USP42: variants seen among roughly 807,000 people sequenced by gnomAD.
USP42 encodes the protein ubiquitin specific peptidase 42.
USP42 carries 23 observed loss-of-function variants against 113.0 expected under a neutral mutation model. That is an observed-to-expected ratio of 0.20 (90% CI 0.15 to 0.29). The LOEUF is 0.29. USP42 is among the 10% of genes least tolerant of loss of function. The probability of loss-of-function intolerance (pLI) is 1.00; values close to 1 mark genes in which losing one functional copy is unlikely to be tolerated. For synonymous variants in USP42, 933 were observed against 699.0 expected (o/e 1.33, Z -5.28); for missense variants, 2,174 against 1,779.8 (o/e 1.22, Z -3.99).
chr7:6,140,299 C>A, intron 6 of USP42, 104 bp downstream of exon 6: 2 of 1,014,136 alleles, frequency 2.0e-6, no homozygotes, highest in Non-Finnish European at 3.0e-6. Flanking sequence ...AAAAGTGCTT[C>A]TCTCCAGCCC....
intron 4 of USP42, among the ~76,000 whole-genome samples, chr7:6,137,754 A>G (rs1483897716): frequency 6.6e-6 from 1 of 152,124 alleles, no homozygotes; most frequent in Non-Finnish European, 1.5e-5. Context: ...GTCTTGGCTC[A>G]CTGCAACCTC....
At chr7:6,125,458 C>G (rs1780485330) in intron 3 of USP42, among the ~76,000 whole-genome samples, 1 of 152,162 alleles carries the variant, frequency 6.6e-6, no homozygotes, top group Non-Finnish European at 1.5e-5. Context: ...CCACTGCACT[C>G]CAGCCTAGGC....
rs571798592 is a variant in USP42, at chr7:6,123,438, C to G, written c.442+7915C>G. Among the ~76,000 whole-genome samples, 3 of 152,246 alleles carry G rather than the reference C, an allele frequency of 2.0e-5. No individual in the cohort carries two copies. In the East Asian group the frequency reaches 5.8e-4, roughly 30 times the overall value. ...CAGCACTTTGGGAGGCCAAGGCGAG[C>G]AGATCACGAGCTCAGGAGATCGAGA... On this transcript the variant is annotated intron_variant, in intron 3 of 17. Coordinates refer to ENST00000306177, the MANE Select transcript of USP42 (RefSeq NM_032172.3).
intron 1 of USP42, among the ~76,000 whole-genome samples, chr7:6,108,848 T>C (rs1034827642): frequency 7.9e-5 from 12 of 152,246 alleles, no homozygotes; most frequent in Non-Finnish European, 2.9e-5. Flanking sequence ...AATGATATAC[T>C]GTATGTTAAT....
At chr7:6,106,729 T>G (rs2128473177) in intron 1 of USP42, among the ~76,000 whole-genome samples, 1 of 148,174 alleles carries the variant, frequency 6.7e-6, no homozygotes, top group African/African-American at 2.6e-5. Flanking sequence ...CACACCCAGC[T>G]AATTTTTTTT....
chr7:6,150,288 G>A lies in USP42; in HGVS notation c.2092G>A (p.Gly698Ser), dbSNP rs201342208. 2.4e-3 allele frequency: 3,844 copies of A among 1,612,984 alleles called. 7 individuals carry two copies. Among genetic ancestry groups the A allele is most frequent in the Non-Finnish European group, 2.9e-3 (3,451 of 1,179,556 alleles). Reference sequence around the variant, plus strand: ...AGAAAATCCCTTTGCTAAGGCAAACGGTCTTCCTGGAAAGGTGAGTGCACG... The same window carrying A: ...AGAAAATCCCTTTGCTAAGGCAAACAGTCTTCCTGGAAAGGTGAGTGCACG... ...HSENPFAKANGLPGKLMPAPL... is the reference protein window; with the variant it reads ...HSENPFAKANSLPGKLMPAPL... The change falls in exon 13 of 18, where the codon GGT becomes AGT. Residue 698 changes from glycine (G) to serine (S), a missense_variant. Transcript: ENST00000306177.
At chr7:6,129,301 A>G (rs1044063588) in intron 3 of USP42, among the ~76,000 whole-genome samples, 3 of 152,114 alleles carry the variant, frequency 2.0e-5, no homozygotes, top group African/African-American at 7.2e-5. Flanking sequence ...CATGCCTGTA[A>G]TCCCAGCATT....
intron 1 of USP42, among the ~76,000 whole-genome samples, chr7:6,110,051 C>T (rs1236458280): frequency 6.6e-6 from 1 of 151,728 alleles, no homozygotes; most frequent in Admixed American, 6.6e-5. Flanking sequence ...CCAGGCTGGT[C>T]TCAAACTCCT....
intron 3 of USP42, among the ~76,000 whole-genome samples, chr7:6,125,027 A>G (rs1292469720): frequency 1.3e-5 from 2 of 151,794 alleles, no homozygotes; most frequent in African/African-American, 4.8e-5. Context: ...CTGAAAATAC[A>G]AAAATTAGCC....
intron 3 of USP42, among the ~76,000 whole-genome samples, chr7:6,120,182 T>G (rs1324164315): frequency 7.9e-5 from 12 of 152,200 alleles, no homozygotes; most frequent in Admixed American, 7.9e-4. Context: ...GCCAGGATGG[T>G]CTTGATCTCC....
In USP42 at chr7:6,159,425, C is replaced by T. The variant is rs1207296149; in HGVS notation, c.3944-25C>T. The T allele has an allele frequency of 6.2e-6, 10 of 1,613,828 alleles. No homozygotes were observed. The highest frequency in any genetic ancestry group is 8.5e-6 in the Non-Finnish European group (10 of 1,179,866). The stretch of plus-strand genomic sequence containing the variant: ...GCGATTTTGCAACCATCATTAAAAT[C>T]TCTTTCCTGACCTTTGCTTTCTAGG... On this transcript the variant is annotated intron_variant, in intron 16 of 17. Transcript: ENST00000306177. This position sits in a 1 kb window ranked among gnomAD's most constrained non-coding sequence, Gnocchi z 4.1.
chr7:6,085,117 A>T, the USP42 span: 2 of 149,454 alleles, frequency 1.3e-5, no homozygotes, highest in African/African-American at 5.1e-5. Flanking sequence ...CTATTTATTT[A>T]TTTATTTATT....
intron 3 of USP42, among the ~76,000 whole-genome samples, chr7:6,123,992 C>T (rs923450473): frequency 2.6e-5 from 4 of 152,120 alleles, no homozygotes; most frequent in South Asian, 2.1e-4. Context: ...CCTCCTGCCT[C>T]GGTCTCCTAA....
At chr7:6,129,856 G>A (rs1327279343) in intron 3 of USP42, among the ~76,000 whole-genome samples, 11 of 134,730 alleles carry the variant, frequency 8.2e-5, no homozygotes, top group African/African-American at 3.2e-4. Flanking sequence ...GTGAGACTCT[G>A]TCTCAAAAAA....
Position 6,146,257 on chromosome 7 carries a change from A to G in USP42, c.1232+9A>G. 4 of 1,534,208 alleles carry G rather than the reference A, an allele frequency of 2.6e-6. No individual in the cohort carries two copies. Among genetic ancestry groups the G allele is most frequent in the Non-Finnish European group, 3.5e-6 (4 of 1,133,730 alleles). On this transcript the variant is annotated intron_variant, in intron 11 of 17. Coordinates refer to ENST00000306177, the MANE Select transcript of USP42 (RefSeq NM_032172.3). ...GTGCTCTTTTATATCAGGTATTGTC[A>G]TGAAAACAAATTGCCAGATTTTCTG...
At chr7:6,122,385 A>G (rs958166364) in intron 3 of USP42, among the ~76,000 whole-genome samples, 1 of 151,740 alleles carries the variant, frequency 6.6e-6, no homozygotes, top group Non-Finnish European at 1.5e-5. Context: ...TTCTGGGTTC[A>G]AGTGATCTTC....
At chr7:6,123,860 A>G (rs1780374904) in intron 3 of USP42, among the ~76,000 whole-genome samples, 1 of 142,894 alleles carries the variant, frequency 7.0e-6, no homozygotes, top group Non-Finnish European at 1.5e-5. Context: ...AAGCCACTCC[A>G]GTTTTCTTTT....
rs369863349 is a variant in USP42, at chr7:6,159,501, G to C, written c.*36+8G>C. On this transcript the variant is annotated splice_region_variant and intron_variant, in intron 17 of 17. Coordinates refer to ENST00000306177, the MANE Select transcript of USP42 (RefSeq NM_032172.3). This position sits in a 1 kb window ranked among gnomAD's most constrained non-coding sequence, Gnocchi z 4.1. ...AAAAATTCACTAGTTATGGTAAGCT[G>C]TTTTCCTGTCTGTTTCCTCATTGTT... The C allele has an allele frequency of 1.4e-4, 229 of 1,613,024 alleles. No homozygotes were observed. In the African/African-American group the frequency reaches 2.8e-3, roughly 20 times the overall value.
the USP42 span, among the ~76,000 whole-genome samples, chr7:6,098,096 G>A: frequency 1.4e-5 from 2 of 147,696 alleles, no homozygotes; most frequent in East Asian, 3.9e-4. Context: ...AGTAGAGACG[G>A]GTTTCACCAT....
Sources: gnomAD v4.1 joint callset for allele counts (sites outside exome capture counted in the v4.1 genomes callset) on GRCh38, gnomAD v4.1.1 for gene constraint, Gnocchi (gnomAD v3.1) non-coding constraint, MANE v1.5 for transcripts, NCBI Gene and HGNC (gene_info 2026-07-23, HGNC 2026-07-21) for gene names.